GPM6B: variants seen among roughly 807,000 people sequenced by gnomAD.
GPM6B encodes the protein neuronal membrane glycoprotein M6-b.
A neutral mutation model predicts 27.2 loss-of-function variants in GPM6B; 4 were observed. The ratio of observed to expected loss-of-function variants is 0.15; its 90% confidence interval spans 0.07 to 0.34. The LOEUF is 0.34. Ranked by LOEUF, GPM6B falls within the 10% of genes least tolerant of loss-of-function variation. GPM6B has a pLI of 1.00. For missense variants in GPM6B, 183 were observed against 261.9 expected, an observed-to-expected ratio of 0.70 and a Z score of 2.08; for synonymous variants, 124 against 103.1, an observed-to-expected ratio of 1.20 and a Z score of -1.23.
intron 1 of GPM6B, among the ~76,000 whole-genome samples, chrX:13,831,850 A>C (rs2049443620): frequency 8.9e-6 from 1 of 111,835 alleles, no homozygotes; most frequent in African/African-American, 3.2e-5. Flanking sequence ...ATATTTTATA[A>C]TAAAATTCAG....
chrX:13,880,675 C>CAAAAAAAAAAAAAAAAAAAAA lies in GPM6B; in HGVS notation c.-198+57651_-198+57652insTTTTTTTTTTTTTTTTTTTTT, dbSNP rs57849359. Among the ~76,000 whole-genome samples, 57 of 46,607 alleles carry CAAAAAAAAAAAAAAAAAAAAA rather than the reference C, an allele frequency of 1.2e-3. 3 individuals are homozygous for CAAAAAAAAAAAAAAAAAAAAA. The highest frequency in any genetic ancestry group is 4.5e-3 in the African/African-American group (38 of 8,488). The allele number at this position is 46,607 out of a possible 115,157, so 40.5% of individuals were successfully genotyped here. A position where few individuals can be genotyped will look rare whatever the true frequency, so the allele number is the denominator to read the frequency against. ...TGGGAGACAGAGCAAGGCTCCATCTCAAAAAAAAAAAAAAAAGGCAAATCA... is the reference window on the plus strand; with the variant it reads ...TGGGAGACAGAGCAAGGCTCCATCTCAAAAAAAAAAAAAAAAAAAAAAAAAAAAAAAAAAAAAGGCAAATCA... On this transcript the variant is annotated intron_variant, in intron 1 of 6. Coordinates refer to the GPM6B transcript ENST00000398361.
chrX:13,813,162 G>A (rs2049169494), intron 1 of GPM6B, among the ~76,000 whole-genome samples: 1 of 111,144 alleles, frequency 9.0e-6, no homozygotes, highest in Non-Finnish European at 1.9e-5. Flanking sequence ...ATAGTGTGAC[G>A]TGTGTTATGT....
At chrX:13,859,565 T>C (rs2049819325) in intron 1 of GPM6B, among the ~76,000 whole-genome samples, 1 of 110,802 alleles carries the variant, frequency 9.0e-6, no homozygotes, top group South Asian at 3.8e-4. Flanking sequence ...TTTTACATCA[T>C]TTGAGTTCTT....
intron 1 of GPM6B, among the ~76,000 whole-genome samples, chrX:13,927,334 C>T (rs375061380): frequency 8.9e-6 from 1 of 112,666 alleles, no homozygotes; most frequent in Non-Finnish European, 1.9e-5. Flanking sequence ...TAACACCATA[C>T]GATTTAAAGC....
chrX:13,851,688 G>C (rs1302126289), intron 1 of GPM6B, among the ~76,000 whole-genome samples: 1 of 109,163 alleles, frequency 9.2e-6, no homozygotes, highest in Non-Finnish European at 1.9e-5. Flanking sequence ...ATCTTGCACA[G>C]TGCAGACCTC....
At chrX:13,837,398 C>A (rs1037870995) in intron 1 of GPM6B, among the ~76,000 whole-genome samples, 1 of 111,608 alleles carries the variant, frequency 9.0e-6, no homozygotes, top group Non-Finnish European at 1.9e-5. Flanking sequence ...GCTGAGTCAC[C>A]AGTAGATTGT....
intron 1 of GPM6B, among the ~76,000 whole-genome samples, chrX:13,859,256 T>C (rs764828014): frequency 4.1e-4 from 46 of 112,129 alleles, no homozygotes; most frequent in African/African-American, 1.4e-3. Flanking sequence ...TTCCCCAACC[T>C]CTGGCAACCA....
At chrX:13,904,783 T>A (rs1304807484) in intron 1 of GPM6B, among the ~76,000 whole-genome samples, 3 of 110,457 alleles carry the variant, frequency 2.7e-5, no homozygotes, top group East Asian at 5.7e-4. Context: ...TCCAAGCAGA[T>A]CCTTAAGGTT....
At position 13,905,883 on chromosome X, in the gene GPM6B, A is replaced by T. The variant is rs768785408; in HGVS notation, c.-198+32444T>A. On this transcript the variant is annotated intron_variant, in intron 1 of 6. Transcript: ENST00000398361. ...CCTCCATTCGTGACACAATGGGATTAAAAAAAAAAACCCTCTGAATCCATC... is the reference window on the plus strand; with the variant it reads ...CCTCCATTCGTGACACAATGGGATTTAAAAAAAAAACCCTCTGAATCCATC... Among the ~76,000 whole-genome samples, 6 of 74,378 alleles carry T rather than the reference A, an allele frequency of 8.1e-5. No homozygotes were observed. The South Asian group carries it at 2.1e-3, about 27-fold the overall frequency. 64.6% of individuals were successfully genotyped at this position (74,378 alleles called of 115,157 possible). A position where few individuals can be genotyped will look rare whatever the true frequency, so the allele number is the denominator to read the frequency against.
At chrX:13,784,683 C>A (rs1014556295) in intron 3 of GPM6B, among the ~76,000 whole-genome samples, 79 of 111,938 alleles carry the variant, frequency 7.1e-4, no homozygotes, top group African/African-American at 2.5e-3. Flanking sequence ...TAGATTGCTG[C>A]TGAGCTTGCA....
At position 13,801,782 on chromosome X, in the gene GPM6B, C is replaced by T. The variant is rs764564550; in HGVS notation, c.181+5868G>A. Among the ~76,000 whole-genome samples, 4 of 111,528 alleles carry T rather than the reference C, an allele frequency of 3.6e-5. No homozygotes were observed. The East Asian group carries it at 1.1e-3, about 31-fold the overall frequency. On this transcript the variant is annotated intron_variant, in intron 2 of 7. Coordinates refer to ENST00000316715, the MANE Select transcript of GPM6B (RefSeq NM_001001995.3). ...TCGATCCCATTACCTCTCCTACCAG[C>T]CTGACATTTCACCCCTAGAGCTGGT...
rs778420801 is a variant in GPM6B, at chrX:13,896,957, G to A, written c.-198+41370C>T. ...CTAGAGTTTTAAAAATTAAATAAGA[G>A]AAATTGTGATGGTTCAGTTCATTAA... On this transcript the variant is annotated intron_variant, in intron 1 of 6. Coordinates refer to the GPM6B transcript ENST00000398361. 2.7e-5 allele frequency among the ~76,000 whole-genome samples: 3 copies of A among 112,254 alleles called. No individual in the cohort carries two copies. The East Asian group carries it at 8.3e-4, about 31-fold the overall frequency.
chrX:13,868,800 AGTG>A (rs1051903448), intron 1 of GPM6B, among the ~76,000 whole-genome samples: 2 of 112,325 alleles, frequency 1.8e-5, no homozygotes, highest in African/African-American at 6.5e-5. Context: ...AACTCCCTGA[AGTG>A]GTGGTTATGG....
At chrX:13,891,855 A>G (rs2050191756) in intron 1 of GPM6B, among the ~76,000 whole-genome samples, 1 of 112,009 alleles carries the variant, frequency 8.9e-6, no homozygotes, top group African/African-American at 3.2e-5. Context: ...TGCTGTACTC[A>G]GGGCAGGGAA....
intron 1 of GPM6B, among the ~76,000 whole-genome samples, chrX:13,893,651 G>A (rs1324212111): frequency 8.9e-6 from 1 of 112,166 alleles, no homozygotes; most frequent in Admixed American, 9.4e-5. Context: ...TGTGTCCTGA[G>A]TTACTGAGTT....
intron 1 of GPM6B, among the ~76,000 whole-genome samples, chrX:13,857,160 A>G (rs1289010760): frequency 9.0e-6 from 1 of 111,347 alleles, no homozygotes; most frequent in Non-Finnish European, 1.9e-5. Context: ...AATCCAGAGT[A>G]ATCTCCCCAT....
rs2048303365 is a variant in GPM6B at position 13,771,797 on chromosome X, A to G, written c.*1084T>C. The G allele has an allele frequency of 8.9e-6, 1 of 112,548 alleles. No individual in the cohort carries two copies. Among genetic ancestry groups the G allele is most frequent in the Non-Finnish European group, 1.9e-5 (1 of 53,220 alleles). 9.3% of individuals were successfully genotyped at this position (112,548 alleles called of 1,213,427 possible). On this transcript the variant is annotated 3_prime_UTR_variant, in exon 8 of 8. Coordinates refer to ENST00000316715, the MANE Select transcript of GPM6B (RefSeq NM_001001995.3). ...CAAGCAGTTCTCTTGCTGAACATCA[A>G]ACTTTATTATTCCAGGAAACTAAGA...
In GPM6B at chrX:13,785,696, A is replaced by C. The variant is rs200157730; in HGVS notation, c.294T>G (p.Ala98=). 8.3e-7 allele frequency: 1 copy of C among 1,211,814 alleles called. No individual in the cohort carries two copies. The highest frequency in any genetic ancestry group is 1.1e-6 in the Non-Finnish European group (1 of 895,326). ...VALFCGCGHV[A]LAGTVAILEQ... is the part of the protein sequence containing the mutation. ...CAAGAATCGCCACGGTGCCTGCGAG[A>C]GCCACATGCCCACAGCCGCAGAATA... The change falls in exon 3 of 8, where the codon GCT becomes GCG. Residue 98 remains alanine, a synonymous_variant. Coordinates refer to ENST00000316715, the MANE Select transcript of GPM6B (RefSeq NM_001001995.3).
chrX:13,783,021 T>C (rs2048546808), intron 4 of GPM6B, among the ~76,000 whole-genome samples: 1 of 112,130 alleles, frequency 8.9e-6, no homozygotes, highest in Non-Finnish European at 1.9e-5. Context: ...TCTTTATGGC[T>C]ATGATCCATA....
Sources: gnomAD v4.1 joint callset for allele counts (sites outside exome capture counted in the v4.1 genomes callset) on GRCh38, gnomAD v4.1.1 for gene constraint, MANE v1.5 for transcripts, NCBI Gene and HGNC (gene_info 2026-07-23, HGNC 2026-07-21) for gene names.